The following DENND5A variants were observed in gnomAD, a reference collection of about 807,000 sequenced individuals.
DENND5A encodes DENN domain-containing protein 5A.
Under a neutral mutation model 140.3 loss-of-function variants are expected in DENND5A, and 64 were observed. That is an observed-to-expected ratio of 0.46 (90% CI 0.37 to 0.56). The LOEUF (loss-of-function observed/expected upper bound fraction) is 0.56, where lower values mean the gene tolerates loss of function less well. DENND5A is among the 20% of genes least tolerant of loss of function. The pLI is 0.00. For synonymous variants in DENND5A, 605 were observed against 607.7 expected (o/e 1.00, Z 0.07); for missense variants, 1,292 against 1,593.8 (o/e 0.81, Z 3.22).
intron 13 of DENND5A, 82 bp from the exon 14 acceptor site, chr11:9,150,846 A>T (rs1325478234): frequency 1.3e-6 from 1 of 790,822 alleles, no homozygotes; most frequent in East Asian, 2.7e-5. Flanking sequence ...TAAATCACAA[A>T]TTGCTATGGG....
intron 18 of DENND5A, 70 bp from the exon 19 acceptor site, chr11:9,144,348 A>C (rs1847350405): frequency 6.7e-7 from 1 of 1,499,570 alleles, no homozygotes; most frequent in Non-Finnish European, 9.2e-7. Context: ...AGCCATCAAC[A>C]AAGCCAATCC....
chr11:9,155,156 A>T (rs1423704379), intron 12 of DENND5A, among the ~76,000 whole-genome samples: 1 of 152,182 alleles, frequency 6.6e-6, no homozygotes, highest in African/African-American at 2.4e-5. Flanking sequence ...TTAAAAAAAA[A>T]AAAAGGTCTA....
At chr11:9,237,404 A>G (rs987497940) in intron 1 of DENND5A, among the ~76,000 whole-genome samples, 1 of 152,120 alleles carries the variant, frequency 6.6e-6, no homozygotes. Flanking sequence ...CCTGGGCAGT[A>G]AGAGTGAAAC....
intron 1 of DENND5A, among the ~76,000 whole-genome samples, chr11:9,255,871 A>G (rs745784121): frequency 5.3e-5 from 8 of 151,494 alleles, no homozygotes; most frequent in Non-Finnish European, 8.8e-5. Flanking sequence ...TCTAAAAAAA[A>G]AAAAAAAATC....
chr11:9,187,864 T>C (rs16906765), intron 5 of DENND5A, among the ~76,000 whole-genome samples: 1,831 of 152,258 alleles, frequency 0.012, 120 homozygotes, highest in Admixed American at 0.11. Flanking sequence ...CAAAAAGCTT[T>C]TTACAGACTT....
intron 4 of DENND5A, among the ~76,000 whole-genome samples, chr11:9,198,467 T>C (rs890695470): frequency 2.0e-5 from 3 of 151,618 alleles, no homozygotes; most frequent in Admixed American, 2.0e-4. Flanking sequence ...AAAAATTAGG[T>C]GGGCGTGGTG....
At chr11:9,192,898 T>C (rs112860267) in intron 5 of DENND5A, among the ~76,000 whole-genome samples, 1,892 of 152,354 alleles carry the variant, frequency 0.012, 35 homozygotes, top group African/African-American at 0.042. Flanking sequence ...AAATCTACTT[T>C]AGAATGGAAT....
chr11:9,161,182 T>C (rs973916950), intron 11 of DENND5A, among the ~76,000 whole-genome samples: 7 of 152,084 alleles, frequency 4.6e-5, no homozygotes, highest in Non-Finnish European at 1.0e-4. Flanking sequence ...CCCGTCTCTA[T>C]TAAAAATACA....
chr11:9,160,153 A>T (rs1477225601), intron 12 of DENND5A, among the ~76,000 whole-genome samples: 2 of 152,252 alleles, frequency 1.3e-5, no homozygotes, highest in African/African-American at 4.8e-5. Flanking sequence ...TTTCAAATTT[A>T]AAAATACATA....
At chr11:9,145,611 C>T in intron 17 of DENND5A, 59 bp downstream of exon 17, 1 of 1,597,134 alleles carries the variant, frequency 6.3e-7, no homozygotes, top group Non-Finnish European at 8.6e-7. Flanking sequence ...AGAAAACTCC[C>T]CAAAGCGGCT....
At chr11:9,179,712 T>A (rs1201819139) in intron 6 of DENND5A, among the ~76,000 whole-genome samples, 2 of 152,146 alleles carry the variant, frequency 1.3e-5, no homozygotes, top group Admixed American at 6.5e-5. Flanking sequence ...TTGGTCAGAC[T>A]GGTCTCGAAC....
intron 11 of DENND5A, 81 bp downstream of exon 11, chr11:9,165,755 A>T: frequency 6.7e-7 from 1 of 1,503,266 alleles, no homozygotes; most frequent in South Asian, 1.2e-5. Flanking sequence ...TAAAATCCAG[A>T]GGGAGTGGTC....
intron 11 of DENND5A, among the ~76,000 whole-genome samples, chr11:9,164,003 C>T (rs1306350351): frequency 6.8e-6 from 1 of 147,440 alleles, no homozygotes; most frequent in African/African-American, 2.5e-5. Flanking sequence ...CAATGCCTGG[C>T]CAGAGTTTTT....
chr11:9,180,810 C>T lies in DENND5A; in HGVS notation c.1412G>A (p.Arg471Gln), dbSNP rs200439974. 162 of 1,614,160 alleles carry T rather than the reference C, an allele frequency of 1.0e-4. No homozygotes were observed. The highest frequency in any genetic ancestry group is 1.3e-4 in the East Asian group (6 of 44,878). Residue 471 changes from arginine (R) to glutamine (Q), a missense_variant, in exon 6 of 23, where the codon CGG becomes CAG. Physicochemically the swap from Arg to Gln is conservative, Grantham distance 43. Transcript: ENST00000328194. ...AGTTCTCTTGACCAAGGCTTGCAGC[C>T]GGGCAATAGTTTCATTCTCCTTAAG... ...ELLKENETIARLQALVKRTGV... is the reference protein window; with the variant it reads ...ELLKENETIAQLQALVKRTGV...
intron 17 of DENND5A, chr11:9,145,342 A>G: frequency 1.7e-6 from 1 of 587,180 alleles, no homozygotes; most frequent in Non-Finnish European, 3.0e-6. Flanking sequence ...TCAGGGAGCA[A>G]GAGATTCTGG....
In DENND5A at chr11:9,150,715, C is replaced by G; in HGVS notation, c.2571G>C (p.Met857Ile). 6.2e-7 allele frequency: 1 copy of G among 1,613,540 alleles called. No individual in the cohort carries two copies. The highest frequency in any genetic ancestry group is 8.5e-7 in the Non-Finnish European group (1 of 1,179,610). Residue 857 changes from methionine (M) to isoleucine (I), a missense_variant, in exon 14 of 23, where the codon ATG becomes ATC. Physicochemically the swap from Met to Ile is conservative, Grantham distance 10 (BLOSUM62 1). Transcript: ENST00000328194. ...GAATCAGGGAGATCCTCAGGGGAGGCATGAGTGAGCTGGCATCAGACTTCC... is the reference window on the plus strand; with the variant it reads ...GAATCAGGGAGATCCTCAGGGGAGGGATGAGTGAGCTGGCATCAGACTTCC... ...ERRKSDASSLMPPLRISLIQD... is the reference protein window; with the variant it reads ...ERRKSDASSLIPPLRISLIQD...
At chr11:9,175,311 T>C (rs1465327805) in intron 8 of DENND5A, 1 of 152,180 alleles carries the variant, frequency 6.6e-6, no homozygotes, top group Non-Finnish European at 1.5e-5. Flanking sequence ...ATAAAACCTG[T>C]ACCCTGAAAA....
intron 1 of DENND5A, among the ~76,000 whole-genome samples, chr11:9,255,903 G>A (rs1851924269): frequency 6.6e-6 from 1 of 151,308 alleles, no homozygotes; most frequent in South Asian, 2.1e-4. Context: ...ACGGGTACCT[G>A]TAATCCCAGC....
chr11:9,261,652 C>T (rs541515630), intron 1 of DENND5A, among the ~76,000 whole-genome samples: 6 of 151,778 alleles, frequency 4.0e-5, no homozygotes, highest in South Asian at 4.2e-4. Flanking sequence ...GTGGCACGCG[C>T]GGCTCATAAT....
Sources: allele counts gnomAD v4.1 joint callset (sites outside exome capture counted in the v4.1 genomes callset), GRCh38; gene constraint gnomAD v4.1.1; transcripts MANE v1.5; gene names NCBI Gene and HGNC (gene_info 2026-07-23, HGNC 2026-07-21).